Variants in PLCL1 observed in about 807,000 individuals in gnomAD.
The protein encoded by PLCL1 is inactive phospholipase C-like protein 1.
In PLCL1, 41 loss-of-function variants were observed where a neutral mutation model predicts 84.4. The observed-to-expected ratio is 0.49, with a 90% CI of 0.38 to 0.63. The LOEUF (loss-of-function observed/expected upper bound fraction) is 0.63, where lower values mean the gene tolerates loss of function less well. PLCL1 is among the 30% of genes least tolerant of loss of function. The probability of loss-of-function intolerance (pLI) is 0.00; values close to 1 mark genes in which losing one functional copy is unlikely to be tolerated. For missense variants in PLCL1, 1,206 were observed against 1,367.8 expected (o/e 0.88, Z 1.87); for synonymous variants, 490 against 488.3 (o/e 1.00, Z -0.05).
chr2:197,962,232 G>A lies in PLCL1; in HGVS notation c.241-121526G>A, dbSNP rs144412714. Among the ~76,000 whole-genome samples the A allele has an allele frequency of 2.6e-5, 4 of 152,144 alleles. No homozygotes were observed. The East Asian group carries it at 5.8e-4, about 22-fold the overall frequency. ...TGTAGAGACCACCCAGCATACCTAT[G>A]AGCAGACTGCTGATGCTCAGAGTCA... On this transcript the variant is annotated intron_variant, in intron 1 of 5. Coordinates refer to ENST00000428675, the MANE Select transcript of PLCL1 (RefSeq NM_006226.4).
chr2:197,979,431 A>G (rs1237875598), intron 1 of PLCL1, among the ~76,000 whole-genome samples: 1 of 152,150 alleles, frequency 6.6e-6, no homozygotes, highest in Non-Finnish European at 1.5e-5. Flanking sequence ...CCACCATTAC[A>G]AGACCTCTGA....
intron 5 of PLCL1, among the ~76,000 whole-genome samples, chr2:198,126,060 A>G (rs924065359): frequency 1.3e-5 from 2 of 152,088 alleles, no homozygotes; most frequent in Admixed American, 1.3e-4. Flanking sequence ...GGTGTATATA[A>G]TTCTTTAATT....
intron 1 of PLCL1, among the ~76,000 whole-genome samples, chr2:198,060,559 A>G (rs1692171658): frequency 6.6e-6 from 1 of 152,188 alleles, no homozygotes; most frequent in South Asian, 2.1e-4. Flanking sequence ...TCGTGCTGTC[A>G]ATTTGTCCAT....
chr2:198,124,194 T>A (rs919768928), intron 5 of PLCL1, among the ~76,000 whole-genome samples: 3 of 152,162 alleles, frequency 2.0e-5, no homozygotes, highest in African/African-American at 7.2e-5. Flanking sequence ...TTGTTCTTTA[T>A]GTGGGCAGAT....
chr2:197,877,619 C>T (rs1687759385), intron 1 of PLCL1, among the ~76,000 whole-genome samples: 1 of 151,956 alleles, frequency 6.6e-6, no homozygotes, highest in South Asian at 2.1e-4. Flanking sequence ...CAATTAGTAG[C>T]CTAATGATCT....
intron 1 of PLCL1, among the ~76,000 whole-genome samples, chr2:198,032,078 G>A (rs571961883): frequency 7.4e-4 from 113 of 151,882 alleles, no homozygotes; most frequent in Non-Finnish European, 2.4e-4. Context: ...TCTCTGTTTT[G>A]GAAAAAAGGA....
chr2:198,101,432 AT>A (rs899320793), intron 4 of PLCL1, 72 bp downstream of exon 4: 59 of 831,324 alleles, frequency 7.1e-5, no homozygotes, highest in African/African-American at 1.3e-4. Context: ...TTCTTGGTAG[AT>A]TTTTTTTTCA....
chr2:198,055,619 G>T (rs1692052362), intron 1 of PLCL1, among the ~76,000 whole-genome samples: 1 of 151,258 alleles, frequency 6.6e-6, no homozygotes, highest in Admixed American at 6.6e-5. Flanking sequence ...ATGAAGCATG[G>T]TTCTCCTTGG....
chr2:197,994,181 T>C (rs1464283707), intron 1 of PLCL1, among the ~76,000 whole-genome samples: 2 of 152,172 alleles, frequency 1.3e-5, no homozygotes, highest in Non-Finnish European at 2.9e-5. Flanking sequence ...AGCACACCAG[T>C]AACTTTCTCC....
At chr2:197,970,876 AGTTT>A (rs1446398812) in intron 1 of PLCL1, among the ~76,000 whole-genome samples, 2 of 152,228 alleles carry the variant, frequency 1.3e-5, no homozygotes, top group South Asian at 2.1e-4. Flanking sequence ...CTCAACATGA[AGTTT>A]GTTTGTATTT....
chr2:198,122,532 C>T (rs938748827), intron 5 of PLCL1, among the ~76,000 whole-genome samples: 1 of 152,048 alleles, frequency 6.6e-6, no homozygotes, highest in Non-Finnish European at 1.5e-5. Flanking sequence ...CCGGTATTCA[C>T]TTATGCTCCA....
intron 1 of PLCL1, among the ~76,000 whole-genome samples, chr2:197,941,423 C>T (rs951827520): frequency 2.0e-5 from 3 of 152,040 alleles, no homozygotes; most frequent in African/African-American, 4.8e-5. Context: ...TCCCAAGTAG[C>T]TGGGGCTGCA....
intron 1 of PLCL1, among the ~76,000 whole-genome samples, chr2:197,879,910 G>T (rs971407796): frequency 6.6e-6 from 1 of 152,128 alleles, no homozygotes; most frequent in Non-Finnish European, 1.5e-5. Context: ...TGAATGTGAA[G>T]GTAATTAGTA....
chr2:197,831,117 C>A (rs951474904), intron 1 of PLCL1, among the ~76,000 whole-genome samples: 3 of 152,040 alleles, frequency 2.0e-5, no homozygotes, highest in Non-Finnish European at 4.4e-5. Context: ...AACTAATGGG[C>A]AAAATAACCA....
chr2:198,132,337 C>A (rs561754621), intron 5 of PLCL1, among the ~76,000 whole-genome samples: 2 of 152,018 alleles, frequency 1.3e-5, no homozygotes, highest in African/African-American at 2.4e-5. Flanking sequence ...TCAAGGTCAG[C>A]GTGGGGCTGT....
intron 1 of PLCL1, among the ~76,000 whole-genome samples, chr2:198,038,959 G>A (rs1409773432): frequency 2.6e-5 from 4 of 151,972 alleles, no homozygotes; most frequent in African/African-American, 9.7e-5. Context: ...CATTAAGCTG[G>A]TATTTGAATA....
chr2:197,923,834 C>G (rs555894299), intron 1 of PLCL1, among the ~76,000 whole-genome samples: 114 of 151,752 alleles, frequency 7.5e-4, no homozygotes, highest in African/African-American at 2.4e-3. Context: ...TGTAGCGAGC[C>G]GAGATCACGC....
At chr2:197,859,770 G>T (rs1687394223) in intron 1 of PLCL1, among the ~76,000 whole-genome samples, 1 of 152,140 alleles carries the variant, frequency 6.6e-6, no homozygotes, top group Non-Finnish European at 1.5e-5. Context: ...ATAGGCCTGG[G>T]TGTATAGTCA....
chr2:197,922,928 ATGGGG>A (rs1688740146), intron 1 of PLCL1, among the ~76,000 whole-genome samples: 1 of 118,478 alleles, frequency 8.4e-6, no homozygotes, highest in African/African-American at 3.2e-5. Flanking sequence ...TCCCTCCCAG[ATGGGG>A]CGGCTGGCCG....
Sources: allele counts gnomAD v4.1 joint callset (sites outside exome capture counted in the v4.1 genomes callset), GRCh38; gene constraint gnomAD v4.1.1; transcripts MANE v1.5; gene names NCBI Gene and HGNC (gene_info 2026-07-23, HGNC 2026-07-21).